Variants in CDK14 observed in about 807,000 individuals in gnomAD.
CDK14 encodes cyclin dependent kinase 14.
Under a neutral mutation model 60.7 loss-of-function variants are expected in CDK14, and 34 were observed. The ratio of observed to expected loss-of-function variants is 0.56; its 90% CI spans 0.43 to 0.75. The LOEUF (loss-of-function observed/expected upper bound fraction) is 0.75. Among genes scored for constraint, CDK14 ranks in the 30% least tolerant of loss-of-function variants. The pLI, the probability that CDK14 is intolerant of heterozygous loss-of-function variation, is 0.00. For missense variants in CDK14, 482 were observed against 564.1 expected (o/e 0.85, Z 1.47); for synonymous variants, 197 against 203.7 (o/e 0.97, Z 0.28).
At chr7:90,990,736 T>A (rs1795507715) in intron 10 of CDK14, among the ~76,000 whole-genome samples, 1 of 152,244 alleles carries the variant, frequency 6.6e-6, no homozygotes, top group Admixed American at 6.5e-5. Flanking sequence ...AATATGTAAT[T>A]GAAAATGTTA....
chr7:90,732,377 C>A (rs1426700922), intron 3 of CDK14, among the ~76,000 whole-genome samples: 1 of 152,192 alleles, frequency 6.6e-6, no homozygotes, highest in East Asian at 1.9e-4. Flanking sequence ...GGAGGATTCC[C>A]TCTTTTTCTG....
At chr7:90,598,962 C>A (rs1799257252) in intron 1 of CDK14, among the ~76,000 whole-genome samples, 1 of 151,980 alleles carries the variant, frequency 6.6e-6, no homozygotes, top group Non-Finnish European at 1.5e-5. Context: ...CCTCGGCCTC[C>A]CAAAGTGCTG....
intron 12 of CDK14, among the ~76,000 whole-genome samples, chr7:91,094,362 C>A (rs1432237448): frequency 6.6e-6 from 1 of 152,018 alleles, no homozygotes; most frequent in African/African-American, 2.4e-5. Context: ...TCCTAAGGGA[C>A]TCTTTTAAGT....
chr7:90,710,298 T>G (rs536327390), intron 2 of CDK14: 145 of 985,212 alleles, frequency 1.5e-4, no homozygotes, highest in Non-Finnish European at 1.7e-4. Flanking sequence ...CTAGTCTTTA[T>G]TTATTACAGC....
chr7:90,599,933 A>G (rs1799280648), intron 1 of CDK14, among the ~76,000 whole-genome samples: 1 of 152,238 alleles, frequency 6.6e-6, no homozygotes, highest in African/African-American at 2.4e-5. Flanking sequence ...CTAAATACAT[A>G]AAGCAGTGCT....
At chr7:91,019,934 T>C (rs1796393233) in intron 10 of CDK14, among the ~76,000 whole-genome samples, 1 of 152,160 alleles carries the variant, frequency 6.6e-6, no homozygotes, top group Non-Finnish European at 1.5e-5. Flanking sequence ...AGCAATTGTT[T>C]ATTTTTGCTC....
chr7:91,046,564 A>G (rs1033067422), intron 11 of CDK14, among the ~76,000 whole-genome samples: 3 of 152,140 alleles, frequency 2.0e-5, no homozygotes, highest in African/African-American at 7.2e-5. Context: ...TGTTTTAATA[A>G]TTACACTTAA....
In CDK14 at chr7:91,066,949, T is replaced by C. The variant is rs546263776; in HGVS notation, c.1106-12483T>C. On this transcript the variant is annotated intron_variant, in intron 11 of 14. Coordinates refer to ENST00000380050, the MANE Select transcript of CDK14 (RefSeq NM_001287135.2). ...TCAAATTAATTGCACTTCTCAGTTA[T>C]GCTGTGAGTTAGCCAGTGCTTTAAA... is the stretch of plus-strand genomic sequence containing the variant. Among the ~76,000 whole-genome samples, 16 of 152,344 alleles carry C rather than the reference T, an allele frequency of 1.1e-4. No individual in the cohort carries two copies. The South Asian group carries it at 2.1e-3, about 20-fold the overall frequency.
intron 8 of CDK14, among the ~76,000 whole-genome samples, chr7:90,952,821 T>C (rs1000222315): frequency 2.0e-5 from 3 of 152,222 alleles, no homozygotes; most frequent in Non-Finnish European, 1.5e-5. Flanking sequence ...GCTGTGCTAA[T>C]TAATCCTGTC....
At chr7:90,774,192 C>T (rs1435906334) in intron 4 of CDK14, among the ~76,000 whole-genome samples, 1 of 152,144 alleles carries the variant, frequency 6.6e-6, no homozygotes, top group African/African-American at 2.4e-5. Context: ...GTGTGAGCCA[C>T]TACGCCAGGC....
At position 91,053,776 on chromosome 7, in the gene CDK14, C is replaced by T. The variant is rs78351384; in HGVS notation, c.1105+7816C>T. ...CTGTGGATGCAGCAGAAATTGTTGT[C>T]GGGGTGGGATATTCCATGCAGGAAG... On this transcript the variant is annotated intron_variant, in intron 11 of 14. Coordinates refer to ENST00000380050, the MANE Select transcript of CDK14 (RefSeq NM_001287135.2). Among the ~76,000 whole-genome samples the T allele has an allele frequency of 4.4e-3, 664 of 152,112 alleles. 4 individuals are homozygous for T. Among genetic ancestry groups the T allele is most frequent in the African/African-American group, 0.015 (638 of 41,482 alleles).
At chr7:91,201,639 G>T (rs963027809) in intron 14 of CDK14, among the ~76,000 whole-genome samples, 8 of 152,148 alleles carry the variant, frequency 5.3e-5, no homozygotes, top group East Asian at 1.9e-4. Flanking sequence ...CTGAGTGGGG[G>T]TCCTCAGCGA....
chr7:91,158,106 T>TA (rs1801041649), intron 14 of CDK14, among the ~76,000 whole-genome samples: 1 of 147,494 alleles, frequency 6.8e-6, no homozygotes, highest in Non-Finnish European at 1.5e-5. Flanking sequence ...TATATAAATA[T>TA]TTATATATAA....
At chr7:90,776,912 TGA>T (rs60935130) in intron 4 of CDK14, among the ~76,000 whole-genome samples, 3,149 of 152,194 alleles carry the variant, frequency 0.021, 94 homozygotes, top group African/African-American at 0.07. Context: ...GGAAATGGTG[TGA>T]CATTCCCCTT....
At chr7:90,801,453 G>C (rs1788628210) in intron 5 of CDK14, among the ~76,000 whole-genome samples, 1 of 152,182 alleles carries the variant, frequency 6.6e-6, no homozygotes, top group Non-Finnish European at 1.5e-5. Flanking sequence ...TGTGGAGATA[G>C]ATTACATCTG....
chr7:90,710,162 T>A, intron 2 of CDK14: 1 of 985,354 alleles, frequency 1.0e-6, no homozygotes, highest in Non-Finnish European at 1.2e-6. Context: ...AGGTTACTCA[T>A]GGGAGAGTCT....
At chr7:90,814,389 A>G (rs1329704192) in intron 5 of CDK14, among the ~76,000 whole-genome samples, 1 of 152,198 alleles carries the variant, frequency 6.6e-6, no homozygotes, top group Non-Finnish European at 1.5e-5. Flanking sequence ...TTTTTTTTAA[A>G]AAAATTATCA....
intron 14 of CDK14, among the ~76,000 whole-genome samples, chr7:91,176,121 A>G (rs2115839927): frequency 6.6e-6 from 1 of 151,816 alleles, no homozygotes; most frequent in Non-Finnish European, 1.5e-5. Flanking sequence ...CTCAGACCAC[A>G]GTGCAATCAA....
intron 2 of CDK14, among the ~76,000 whole-genome samples, chr7:90,628,110 A>G (rs1444599277): frequency 6.6e-6 from 1 of 152,106 alleles, no homozygotes; most frequent in Admixed American, 6.5e-5. Context: ...GTGTGCCACT[A>G]TGCATGGCAA....
Sources: gnomAD v4.1 joint callset for allele counts (sites outside exome capture counted in the v4.1 genomes callset) on GRCh38, gnomAD v4.1.1 for gene constraint, MANE v1.5 for transcripts, NCBI Gene and HGNC (gene_info 2026-07-23, HGNC 2026-07-21) for gene names.